GPR137B: variants seen among roughly 807,000 people sequenced by gnomAD.
GPR137B encodes G protein-coupled receptor 137B.
A neutral mutation model predicts 42.5 loss-of-function variants in GPR137B; 42 were observed. That is an observed-to-expected ratio of 0.99 (90% CI 0.77 to 1.28). The LOEUF is 1.28. Ranked by LOEUF, GPR137B falls within the 50% of genes most tolerant of loss-of-function variation. The pLI is 0.00. For synonymous variants in GPR137B, 218 were observed against 209.7 expected (o/e 1.04, Z -0.34); for missense variants, 487 against 493.9 (o/e 0.99, Z 0.13).
intron 5 of GPR137B, among the ~76,000 whole-genome samples, chr1:236,194,032 A>G (rs1663269668): frequency 6.6e-6 from 1 of 152,208 alleles, no homozygotes; most frequent in South Asian, 2.1e-4. Flanking sequence ...AGTAGAAACT[A>G]TAATTGAAAT....
intron 1 of GPR137B, among the ~76,000 whole-genome samples, chr1:236,146,569 C>T (rs1198817207): frequency 6.6e-6 from 1 of 152,198 alleles, no homozygotes; most frequent in Non-Finnish European, 1.5e-5. Flanking sequence ...ACTGTTACCC[C>T]CCAACTGAGG....
rs1661992087 is a variant in GPR137B, at chr1:236,155,351, T to C, written c.414+12315T>C. 6.6e-6 allele frequency among the ~76,000 whole-genome samples: 1 copy of C among 152,172 alleles called. No individual in the cohort carries two copies. The highest frequency in any genetic ancestry group is 1.5e-5 in the Non-Finnish European group (1 of 68,022). On this transcript the variant is annotated intron_variant, in intron 1 of 6. Transcript: ENST00000366592. The surrounding 1 kb of genome is among the most constrained non-coding windows in gnomAD (Gnocchi z 4.6). Reference sequence around the variant, plus strand: ...CACCTCGCAGATAGACACTGAGGCCTAGAAAGGTCGATGGAGCTAACCAGG... The same window carrying C: ...CACCTCGCAGATAGACACTGAGGCCCAGAAAGGTCGATGGAGCTAACCAGG...
intron 5 of GPR137B, among the ~76,000 whole-genome samples, chr1:236,196,880 A>G (rs538127429): frequency 9.2e-5 from 14 of 152,134 alleles, no homozygotes; most frequent in South Asian, 6.2e-4. Flanking sequence ...GGCTGGTTCC[A>G]TATTTTTGTA....
intron 1 of GPR137B, among the ~76,000 whole-genome samples, chr1:236,144,689 GCA>G (rs1199133736): frequency 1.3e-5 from 2 of 152,208 alleles, no homozygotes; most frequent in African/African-American, 4.8e-5. Context: ...CGGCTGCATT[GCA>G]CAGACACTTG....
intron 5 of GPR137B, among the ~76,000 whole-genome samples, chr1:236,194,821 C>G (rs933915502): frequency 6.6e-6 from 1 of 152,100 alleles, no homozygotes; most frequent in Non-Finnish European, 1.5e-5. Flanking sequence ...GGGGCAGAAA[C>G]AGGATGAAAT....
Position 236,180,041 on chromosome 1 carries a change from G to A in GPR137B, c.837+13G>A, listed in dbSNP as rs369137317. ...TGTATCAGACCAGGTCAGTGGGGGC[G>A]CTGAGGAGGTGTCACCTGACCAGGG... is the stretch of plus-strand genomic sequence containing the variant. On this transcript the variant is annotated intron_variant, in intron 4 of 6. Transcript: ENST00000366592. 28 of 1,609,218 alleles carry A rather than the reference G, an allele frequency of 1.7e-5. No homozygotes were observed. The highest frequency in any genetic ancestry group is 7.7e-5 in the South Asian group (7 of 90,976).
In GPR137B at chr1:236,156,772, A is replaced by G. The variant is rs1285188210; in HGVS notation, c.415-11934A>G. On this transcript the variant is annotated intron_variant, in intron 1 of 6. Transcript: ENST00000366592. The surrounding 1 kb of genome is among the most constrained non-coding windows in gnomAD (Gnocchi z 4.8). ...TGACTAATGACTGTTGCCTGGGGAG[A>G]CCAGGGCCCTGGGGTTTGCATAATT... 6.6e-6 allele frequency among the ~76,000 whole-genome samples: 1 copy of G among 152,124 alleles called. No individual in the cohort carries two copies. Among genetic ancestry groups the G allele is most frequent in the Non-Finnish European group, 1.5e-5 (1 of 68,032 alleles).
intron 5 of GPR137B, among the ~76,000 whole-genome samples, chr1:236,203,838 G>A (rs1663574461): frequency 6.6e-6 from 1 of 151,964 alleles, no homozygotes; most frequent in African/African-American, 2.4e-5. Context: ...CTGATTTTTT[G>A]TGCAACTTTA....
chr1:236,157,325 G>A (rs1204712578), intron 1 of GPR137B, among the ~76,000 whole-genome samples: 1 of 151,530 alleles, frequency 6.6e-6, no homozygotes, highest in East Asian at 1.9e-4. Context: ...CCTGGTTCAC[G>A]CCATTCTCCT....
chr1:236,168,424 G>GAA (rs199657686), intron 1 of GPR137B, among the ~76,000 whole-genome samples: 4 of 85,578 alleles, frequency 4.7e-5, no homozygotes, highest in Admixed American at 1.3e-4. Flanking sequence ...ATTCTGTCTC[G>GAA]AAAAAAAAAA....
At chr1:236,166,609 C>A (rs988078547) in intron 1 of GPR137B, among the ~76,000 whole-genome samples, 1 of 149,954 alleles carries the variant, frequency 6.7e-6, no homozygotes, top group Non-Finnish European at 1.5e-5. Flanking sequence ...ATAGCAGAAC[C>A]AAATAATTCT....
At chr1:236,145,997 A>G (rs1243599290) in intron 1 of GPR137B, among the ~76,000 whole-genome samples, 1 of 152,128 alleles carries the variant, frequency 6.6e-6, no homozygotes, top group African/African-American at 2.4e-5. Context: ...ATCTGGGATT[A>G]CAGGCACCTG....
chr1:236,164,886 AAGAGAGAGAGAGAGAG>A (rs10581092), intron 1 of GPR137B, among the ~76,000 whole-genome samples: 77 of 143,962 alleles, frequency 5.3e-4, no homozygotes, highest in Middle Eastern at 3.5e-3. Context: ...AGATGAATTC[AAGAGAGAGAGAGAGAG>A]AGAGAGAGAG....
chr1:236,151,673 C>T (rs193102435), intron 1 of GPR137B, among the ~76,000 whole-genome samples: 16 of 152,220 alleles, frequency 1.1e-4, no homozygotes, highest in African/African-American at 3.1e-4. Flanking sequence ...CCGCCTGCCT[C>T]GGCCTTCCAA....
intron 5 of GPR137B, among the ~76,000 whole-genome samples, chr1:236,203,017 T>C (rs933001172): frequency 6.6e-6 from 1 of 152,154 alleles, no homozygotes; most frequent in African/African-American, 2.4e-5. Context: ...ACTGTAGGTG[T>C]GTGGATTTGT....
Position 236,155,443 on chromosome 1 carries a change from G to C in GPR137B, c.414+12407G>C, listed in dbSNP as rs931005374. Among the ~76,000 whole-genome samples the C allele has an allele frequency of 6.6e-6, 1 of 152,226 alleles. No individual in the cohort carries two copies. Among genetic ancestry groups the C allele is most frequent in the Non-Finnish European group, 1.5e-5 (1 of 68,046 alleles). On this transcript the variant is annotated intron_variant, in intron 1 of 6. Coordinates refer to ENST00000366592, the MANE Select transcript of GPR137B (RefSeq NM_003272.4). The surrounding 1 kb of genome is among the most constrained non-coding windows in gnomAD (Gnocchi z 4.6). ...CTGAATCCAGGTGCTCAGGGGACAA[G>C]AGACAATTCAGAAAAGCAGGGAGAC... is the stretch of plus-strand genomic sequence containing the variant.
chr1:236,169,758 G>A (rs934771164), intron 2 of GPR137B, among the ~76,000 whole-genome samples: 1 of 152,234 alleles, frequency 6.6e-6, no homozygotes, highest in Admixed American at 6.5e-5. Flanking sequence ...ACTCAGGTTT[G>A]GCTGGGCACG....
rs1274616319 is a variant in GPR137B at position 236,186,280 on chromosome 1, A to ATATATAATATATT, written c.966+2374_966+2375insTATATAATATATT. Among the ~76,000 whole-genome samples the ATATATAATATATT allele has an allele frequency of 9.1e-3, 783 of 85,582 alleles. 132 individuals carry two copies. Among genetic ancestry groups the ATATATAATATATT allele is most frequent in the African/African-American group, 0.037 (755 of 20,252 alleles). The allele number at this position is 85,582 out of a possible 152,430, so 56.1% of individuals were successfully genotyped here. A position where few individuals can be genotyped will look rare whatever the true frequency, so the allele number is the denominator to read the frequency against. ...ATATATATTATATATTATATATAAT[A>ATATATAATATATT]ATATAAATAATATATAATATATATT... On this transcript the variant is annotated intron_variant, in intron 5 of 6. Coordinates refer to ENST00000366592, the MANE Select transcript of GPR137B (RefSeq NM_003272.4).
Position 236,156,495 on chromosome 1 carries a change from C to G in GPR137B, c.415-12211C>G, listed in dbSNP as rs1465907933. ...TTATCCAGGTCCTGAGTCCCTGGAC[C>G]TATAGCCCACAGCTGACGTTTGGAA... On this transcript the variant is annotated intron_variant, in intron 1 of 6. Transcript: ENST00000366592. This position sits in a 1 kb window ranked among gnomAD's most constrained non-coding sequence, Gnocchi z 4.8. 3.3e-5 allele frequency among the ~76,000 whole-genome samples: 5 copies of G among 152,230 alleles called. No individual in the cohort carries two copies. Among genetic ancestry groups the G allele is most frequent in the African/African-American group, 9.6e-5 (4 of 41,468 alleles).
Sources: gnomAD v4.1 joint callset for allele counts (sites outside exome capture counted in the v4.1 genomes callset) on GRCh38, gnomAD v4.1.1 for gene constraint, Gnocchi (gnomAD v3.1) non-coding constraint, MANE v1.5 for transcripts, NCBI Gene and HGNC (gene_info 2026-07-23, HGNC 2026-07-21) for gene names.